KCNT2: variants seen among roughly 807,000 people sequenced by gnomAD.
KCNT2 encodes potassium sodium-activated channel subfamily T member 2, also known as potassium channel subfamily T member 2.
In KCNT2, 67 loss-of-function variants were observed where a neutral mutation model predicts 153.8. The ratio of observed to expected loss-of-function variants is 0.44; its 90% CI spans 0.36 to 0.53. The LOEUF is 0.53. KCNT2 is among the 20% of genes least tolerant of loss of function. KCNT2 has a pLI of 0.00. For synonymous variants in KCNT2, 500 were observed against 458.8 expected (o/e 1.09, Z -1.15); for missense variants, 975 against 1,354.8 (o/e 0.72, Z 4.40).
intron 22 of KCNT2, among the ~76,000 whole-genome samples, chr1:196,301,778 C>T (rs913694414): frequency 2.0e-5 from 3 of 152,100 alleles, no homozygotes; most frequent in Admixed American, 6.6e-5. Flanking sequence ...CTCTCTCTGT[C>T]GCCCAGGCTG....
intron 1 of KCNT2, among the ~76,000 whole-genome samples, chr1:196,577,567 T>G (rs1661514551): frequency 6.6e-6 from 1 of 152,162 alleles, no homozygotes; most frequent in South Asian, 2.1e-4. Flanking sequence ...GATTAACATA[T>G]GTATGTTAGG....
intron 13 of KCNT2, among the ~76,000 whole-genome samples, chr1:196,382,175 T>C (rs960191317): frequency 6.6e-6 from 1 of 151,958 alleles, no homozygotes; most frequent in African/African-American, 2.4e-5. Context: ...CGCGGCTCAC[T>C]GCAAGCTCCG....
intron 1 of KCNT2, among the ~76,000 whole-genome samples, chr1:196,580,670 A>C (rs1259813538): frequency 6.6e-6 from 1 of 152,166 alleles, no homozygotes; most frequent in Non-Finnish European, 1.5e-5. Context: ...CTAAACAAAA[A>C]TAATTACTGT....
intron 1 of KCNT2, among the ~76,000 whole-genome samples, chr1:196,528,293 G>C (rs898273212): frequency 6.6e-6 from 1 of 152,134 alleles, no homozygotes; most frequent in African/African-American, 2.4e-5. Flanking sequence ...TTACAAATCT[G>C]GGTAGCCCCA....
At chr1:196,346,096 T>C (rs934295445) in intron 14 of KCNT2, among the ~76,000 whole-genome samples, 1 of 152,102 alleles carries the variant, frequency 6.6e-6, no homozygotes, top group Non-Finnish European at 1.5e-5. Context: ...ACCTTTTGAA[T>C]GTCTGAAATA....
chr1:196,397,459 T>C (rs1373096380), intron 13 of KCNT2, among the ~76,000 whole-genome samples: 4 of 151,522 alleles, frequency 2.6e-5, no homozygotes, highest in African/African-American at 9.7e-5. Context: ...TTTTTAAATT[T>C]CAGTTAAGAA....
intron 22 of KCNT2, among the ~76,000 whole-genome samples, chr1:196,293,340 A>G (rs1210339065): frequency 6.6e-6 from 1 of 152,154 alleles, no homozygotes; most frequent in Non-Finnish European, 1.5e-5. Context: ...AAAAAACAAA[A>G]CAAAACAAAA....
chr1:196,394,763 TTTC>T lies in KCNT2; in HGVS notation c.1294+3797_1294+3799del, dbSNP rs1413052273. Among the ~76,000 whole-genome samples, 3 of 151,696 alleles carry T rather than the reference TTTC, an allele frequency of 2.0e-5. No homozygotes were observed. In the East Asian group the frequency reaches 5.8e-4, roughly 30 times the overall value. The stretch of plus-strand genomic sequence containing the variant: ...TGATACATGGACAATGACAATTTTA[TTTC>T]TTGTGTTCTGATGCTTATATCTTTT... On this transcript the variant is annotated intron_variant, in intron 13 of 27. Transcript: ENST00000294725.
intron 1 of KCNT2, among the ~76,000 whole-genome samples, chr1:196,542,602 A>C (rs894246006): frequency 6.6e-6 from 1 of 152,128 alleles, no homozygotes; most frequent in Non-Finnish European, 1.5e-5. Flanking sequence ...CATTAGGAGC[A>C]CATAACTCAC....
intron 25 of KCNT2, among the ~76,000 whole-genome samples, chr1:196,278,843 C>A (rs1160423206): frequency 6.6e-6 from 1 of 152,064 alleles, no homozygotes; most frequent in Non-Finnish European, 1.5e-5. Context: ...CTCCATCACC[C>A]CACAATGCAT....
chr1:196,541,832 C>T (rs1377213096), intron 1 of KCNT2, among the ~76,000 whole-genome samples: 2 of 151,830 alleles, frequency 1.3e-5, no homozygotes, highest in African/African-American at 4.8e-5. Flanking sequence ...AGATAATGTC[C>T]AATGCACCAT....
At chr1:196,353,487 C>G (rs1475423963) in intron 14 of KCNT2, among the ~76,000 whole-genome samples, 1 of 151,868 alleles carries the variant, frequency 6.6e-6, no homozygotes, top group Non-Finnish European at 1.5e-5. Context: ...AGCATAGTAA[C>G]TATTGGTTAG....
At chr1:196,499,931 G>T (rs1161322185) in intron 1 of KCNT2, among the ~76,000 whole-genome samples, 3 of 152,002 alleles carry the variant, frequency 2.0e-5, no homozygotes, top group Non-Finnish European at 4.4e-5. Flanking sequence ...ATCACCTGAG[G>T]TCAGGAGTTC....
chr1:196,465,988 C>T (rs1281317859), intron 7 of KCNT2, among the ~76,000 whole-genome samples: 1 of 151,970 alleles, frequency 6.6e-6, no homozygotes, highest in Non-Finnish European at 1.5e-5. Flanking sequence ...AGACAAATAA[C>T]TAAGTTGACT....
At chr1:196,434,112 C>A (rs1674407590) in intron 8 of KCNT2, among the ~76,000 whole-genome samples, 1 of 151,898 alleles carries the variant, frequency 6.6e-6, no homozygotes. Context: ...CTCAGCTGCC[C>A]CTATGGAATA....
In KCNT2 at chr1:196,384,868, G is replaced by A. The variant is rs1158501110; in HGVS notation, c.1295-11620C>T. 7.2e-5 allele frequency among the ~76,000 whole-genome samples: 11 copies of A among 152,164 alleles called. No individual in the cohort carries two copies. The East Asian group carries it at 2.1e-3, about 29-fold the overall frequency. On this transcript the variant is annotated intron_variant, in intron 13 of 27. Transcript: ENST00000294725. ...TTTGGCCACTGGTTATCTTTTAGAA[G>A]TCTCGCATAACAACCTAATCTTCAT...
chr1:196,511,003 A>G (rs1681566878), intron 1 of KCNT2, among the ~76,000 whole-genome samples: 1 of 152,072 alleles, frequency 6.6e-6, no homozygotes, highest in African/African-American at 2.4e-5. Flanking sequence ...GTAATTCAAG[A>G]TTCTGCATCT....
chr1:196,411,446 TAAAAAA>T (rs35196093), intron 12 of KCNT2, among the ~76,000 whole-genome samples: 10 of 96,322 alleles, frequency 1.0e-4, no homozygotes, highest in Non-Finnish European at 1.0e-4. Context: ...CTATTCCAGT[TAAAAAA>T]AAAAAAAAAA....
intron 11 of KCNT2, among the ~76,000 whole-genome samples, chr1:196,425,061 T>G (rs545042879): frequency 6.6e-6 from 1 of 152,106 alleles, no homozygotes; most frequent in South Asian, 2.1e-4. Flanking sequence ...AACATGAAGA[T>G]ATGTTTAAAA....
Sources: gnomAD v4.1 joint callset for allele counts (sites outside exome capture counted in the v4.1 genomes callset) on GRCh38, gnomAD v4.1.1 for gene constraint, MANE v1.5 for transcripts, NCBI Gene and HGNC (gene_info 2026-07-23, HGNC 2026-07-21) for gene names.